Variants in ARHGEF10 observed in about 807,000 individuals in gnomAD.
ARHGEF10 encodes the protein Rho guanine nucleotide exchange factor 10.
ARHGEF10 carries 140 observed loss-of-function variants against 147.4 expected under a neutral mutation model. The observed-to-expected ratio is 0.95, with a 90% confidence interval of 0.83 to 1.09. The LOEUF is 1.09. Ranked by LOEUF, ARHGEF10 falls within the 50% of genes least tolerant of loss-of-function variation. ARHGEF10 has a pLI of 0.00. For missense variants in ARHGEF10, 2,222 were observed against 1,752.7 expected (o/e 1.27, Z -4.78); for synonymous variants, 902 against 695.8 (o/e 1.30, Z -4.67).
intron 28 of ARHGEF10, among the ~76,000 whole-genome samples, chr8:1,953,789 T>C (rs1385380772): frequency 6.6e-6 from 1 of 152,132 alleles, no homozygotes; most frequent in East Asian, 1.9e-4. Context: ...TCCTGTTAAG[T>C]TCAGTAAACC....
intron 12 of ARHGEF10, among the ~76,000 whole-genome samples, chr8:1,894,041 G>C (rs531531339): frequency 3.7e-4 from 57 of 152,088 alleles, no homozygotes; most frequent in African/African-American, 1.2e-3. Context: ...GGGTGTGGCG[G>C]TATGTGCCTA....
At chr8:1,890,569 C>A (rs1236930787) in intron 11 of ARHGEF10, among the ~76,000 whole-genome samples, 1 of 142,412 alleles carries the variant, frequency 7.0e-6, no homozygotes, top group Non-Finnish European at 1.5e-5. Context: ...TGAGGAGTCA[C>A]TGAGTGTGTA....
chr8:1,885,236 G>A (rs184633425), intron 10 of ARHGEF10, among the ~76,000 whole-genome samples: 320 of 152,188 alleles, frequency 2.1e-3, no homozygotes, highest in Non-Finnish European at 2.8e-3. Context: ...GTGTTTCCTT[G>A]TTTCTGATTG....
chr8:1,952,244 C>T (rs3779713), intron 27 of ARHGEF10, among the ~76,000 whole-genome samples: 44,255 of 152,122 alleles, frequency 0.29, 7,033 homozygotes, highest in Admixed American at 0.38. Context: ...CGGCTGAGGG[C>T]CGGTTACTCG....
intron 23 of ARHGEF10, 120 bp downstream of exon 23, chr8:1,926,583 G>C (rs1372839700): frequency 3.3e-6 from 3 of 901,212 alleles, no homozygotes; most frequent in African/African-American, 1.6e-5. Context: ...GTATCCCAGA[G>C]TGTACTTAGA....
intron 24 of ARHGEF10, among the ~76,000 whole-genome samples, chr8:1,928,922 A>G (rs1812895586): frequency 1.3e-5 from 2 of 152,198 alleles, no homozygotes; most frequent in Admixed American, 6.5e-5. Flanking sequence ...TCTCATTTAT[A>G]TTAATGGTTT....
At chr8:1,863,412 C>T (rs780458106) in intron 4 of ARHGEF10, among the ~76,000 whole-genome samples, 2 of 152,230 alleles carry the variant, frequency 1.3e-5, no homozygotes, top group Non-Finnish European at 2.9e-5. Flanking sequence ...GAGCCAACTG[C>T]TGCGGTTTGA....
intron 1 of ARHGEF10, among the ~76,000 whole-genome samples, chr8:1,831,897 G>A (rs1803134236): frequency 6.6e-6 from 1 of 152,232 alleles, no homozygotes; most frequent in Admixed American, 6.5e-5. Flanking sequence ...CTGGAGGGTG[G>A]CACATGGCCG....
At chr8:1,938,040 C>A (rs534892453) in intron 26 of ARHGEF10, among the ~76,000 whole-genome samples, 20 of 152,290 alleles carry the variant, frequency 1.3e-4, no homozygotes, top group African/African-American at 4.6e-4. Context: ...CCCAACGTGG[C>A]AGGGGGCACC....
chr8:1,869,716 G>T, intron 7 of ARHGEF10: 1 of 247,172 alleles, frequency 4.0e-6, no homozygotes, highest in South Asian at 4.8e-5. Context: ...TACCTAGGCC[G>T]ATGCAATGGA....
At chr8:1,900,423 A>T (rs1810360277) in intron 15 of ARHGEF10, among the ~76,000 whole-genome samples, 1 of 152,140 alleles carries the variant, frequency 6.6e-6, no homozygotes, top group African/African-American at 2.4e-5. Flanking sequence ...AGGGAAGCTG[A>T]TGATTCTCCC....
intron 23 of ARHGEF10, chr8:1,926,712 G>C (rs1043571310): frequency 2.0e-5 from 11 of 561,126 alleles, no homozygotes; most frequent in Non-Finnish European, 3.2e-5. Flanking sequence ...ATAAAGTTGA[G>C]TCCAGAGACA....
chr8:1,834,743 C>T (rs976816598), intron 1 of ARHGEF10, among the ~76,000 whole-genome samples: 7 of 152,240 alleles, frequency 4.6e-5, no homozygotes, highest in African/African-American at 1.4e-4. Context: ...GACTTTGCGT[C>T]CTTTTACGTT....
intron 2 of ARHGEF10, among the ~76,000 whole-genome samples, chr8:1,850,515 C>G (rs1297597267): frequency 6.9e-6 from 1 of 145,104 alleles, no homozygotes; most frequent in African/African-American, 2.6e-5. Flanking sequence ...CGCGTGGACA[C>G]AGATGGCAAA....
At chr8:1,881,864 A>G (rs1250212546) in intron 9 of ARHGEF10, among the ~76,000 whole-genome samples, 1 of 152,196 alleles carries the variant, frequency 6.6e-6, no homozygotes, top group Non-Finnish European at 1.5e-5. Context: ...CGGTTGTCCC[A>G]TAAGAGATCA....
Position 1,957,645 on chromosome 8 carries a change from A to C in ARHGEF10, c.*382A>C. On this transcript the variant is annotated 3_prime_UTR_variant, in exon 29 of 29. Coordinates refer to ENST00000349830, the MANE Select transcript of ARHGEF10 (RefSeq NM_014629.4). The stretch of plus-strand genomic sequence containing the variant: ...TTGCAGACTAAGAATTTATGAGAAA[A>C]TATATGTATTCAGTAGTGCAGGCAT... The C allele has an allele frequency of 1.3e-5, 3 of 226,742 alleles. No homozygotes were observed. The highest frequency in any genetic ancestry group is 2.6e-5 in the Non-Finnish European group (3 of 115,006). 14.0% of individuals were successfully genotyped at this position (226,742 alleles called of 1,614,324 possible). A position where few individuals can be genotyped will look rare whatever the true frequency, so the allele number is the denominator to read the frequency against.
chr8:1,896,596 G>C, intron 14 of ARHGEF10, 147 bp downstream of exon 14: 1 of 711,768 alleles, frequency 1.4e-6, no homozygotes, highest in Non-Finnish European at 2.5e-6. Flanking sequence ...AAATGAAGAT[G>C]AATTTTAGGT....
chr8:1,829,327 T>C (rs1802951627), intron 1 of ARHGEF10, among the ~76,000 whole-genome samples: 1 of 152,242 alleles, frequency 6.6e-6, no homozygotes, highest in Non-Finnish European at 1.5e-5. Context: ...GTTCTGAGCC[T>C]GGCGGGGTCA....
intron 15 of ARHGEF10, among the ~76,000 whole-genome samples, chr8:1,900,768 A>G (rs1563257050): frequency 6.6e-6 from 1 of 152,188 alleles, no homozygotes; most frequent in Non-Finnish European, 1.5e-5. Context: ...GCACTTAGAA[A>G]GATTCAGTGT....
Sources: allele counts gnomAD v4.1 joint callset (sites outside exome capture counted in the v4.1 genomes callset), GRCh38; gene constraint gnomAD v4.1.1; transcripts MANE v1.5; gene names NCBI Gene and HGNC (gene_info 2026-07-23, HGNC 2026-07-21).